The following GRAMD4 variants were observed in gnomAD, a reference collection of about 807,000 sequenced individuals.
The protein encoded by GRAMD4 is GRAM domain containing 4.
In GRAMD4, 25 loss-of-function variants were observed where a neutral mutation model predicts 83.9. The observed-to-expected ratio is 0.30, with a 90% confidence interval of 0.22 to 0.42. The LOEUF is 0.42. GRAMD4 is among the 10% of genes least tolerant of loss of function. GRAMD4 has a pLI of 1.00. For synonymous variants in GRAMD4, 336 were observed against 320.9 expected, an observed-to-expected ratio of 1.05 and a Z score of -0.50; for missense variants, 593 against 788.7, an observed-to-expected ratio of 0.75 and a Z score of 2.97.
At chr22:46,589,444 G>T (rs1168458665) in intron 1 of GRAMD4, among the ~76,000 whole-genome samples, 2 of 149,946 alleles carry the variant, frequency 1.3e-5, no homozygotes, top group African/African-American at 4.9e-5. Flanking sequence ...AGATGGCCCA[G>T]TGTGGGGCTG....
intron 3 of GRAMD4, 152 bp downstream of exon 3, chr22:46,638,112 G>A: frequency 4.9e-6 from 4 of 809,090 alleles, no homozygotes; most frequent in Admixed American, 4.5e-5. Flanking sequence ...TGGCTCCGAC[G>A]TGGCCCTTTG....
In GRAMD4 at chr22:46,590,018, C is replaced by G. The variant is rs564896409; in HGVS notation, c.-50+12728C>G. ...GCCGTGTCGCCTCCTGTAACTCCCA[C>G]GGCAGTCTTGCAGGATGGGTCCTGG... On this transcript the variant is annotated intron_variant, in intron 1 of 1. Transcript: ENST00000431155. Among the ~76,000 whole-genome samples the G allele has an allele frequency of 1.3e-3, 199 of 152,364 alleles. 2 individuals are homozygous for G. The highest frequency in any genetic ancestry group is 4.4e-3 in the African/African-American group (182 of 41,592).
At chr22:46,666,059 G>A (rs1402732057) in intron 9 of GRAMD4, among the ~76,000 whole-genome samples, 1 of 152,262 alleles carries the variant, frequency 6.6e-6, no homozygotes. Context: ...CCTGCTGGCT[G>A]CCTGTTGGAG....
chr22:46,579,223 T>C (rs2081074350), intron 1 of GRAMD4, among the ~76,000 whole-genome samples: 1 of 152,182 alleles, frequency 6.6e-6, no homozygotes, highest in Non-Finnish European at 1.5e-5. Context: ...CCAGGTGGTC[T>C]CTCTCCAAAC....
chr22:46,643,395 G>C (rs1268326443), intron 3 of GRAMD4, among the ~76,000 whole-genome samples: 1 of 152,030 alleles, frequency 6.6e-6, no homozygotes, highest in Non-Finnish European at 1.5e-5. Context: ...TGAGCTGCTT[G>C]ATGGTCAGTT....
rs926009035 is a variant in GRAMD4, at chr22:46,672,335, T to G, written c.1085-508T>G. On this transcript the variant is annotated intron_variant, in intron 13 of 18. Transcript: ENST00000406902. This position sits in a 1 kb window ranked among gnomAD's most constrained non-coding sequence, Gnocchi z 4.7. ...CGTGGCTGGGAGCCGTCTGAGCAGC[T>G]GGTCATGGGCGGCCTCTCAGCAGGG... 2.8e-5 allele frequency among the ~76,000 whole-genome samples: 4 copies of G among 144,300 alleles called. No homozygotes were observed. The highest frequency in any genetic ancestry group is 1.0e-4 in the African/African-American group (4 of 38,646). 94.7% of individuals were successfully genotyped at this position (144,300 alleles called of 152,430 possible). A position where few individuals can be genotyped will look rare whatever the true frequency, so the allele number is the denominator to read the frequency against.
At chr22:46,624,607 T>C (rs1402199356) in intron 1 of GRAMD4, among the ~76,000 whole-genome samples, 1 of 152,190 alleles carries the variant, frequency 6.6e-6, no homozygotes, top group Non-Finnish European at 1.5e-5. Flanking sequence ...ATTACAGGCG[T>C]GAACCACTGC....
At chr22:46,662,194 G>A (rs1256780602) in intron 5 of GRAMD4, among the ~76,000 whole-genome samples, 1 of 152,208 alleles carries the variant, frequency 6.6e-6, no homozygotes, top group Non-Finnish European at 1.5e-5. Flanking sequence ...AGCCGCAGGA[G>A]CCTGCCCTGG....
rs1043824054 is a variant in GRAMD4 at position 46,679,123 on chromosome 22, C to G, written c.*1872C>G. 1.0e-6 allele frequency: 1 copy of G among 985,364 alleles called. No individual in the cohort carries two copies. Among genetic ancestry groups the G allele is most frequent in the Non-Finnish European group, 1.2e-6 (1 of 829,964 alleles). 61.0% of individuals were successfully genotyped at this position (985,364 alleles called of 1,614,324 possible). ...CAGGGGCGGCTGCAGAGGCAGTGCC[C>G]GCAGACAATGGCCACACCTCTCTCC... On this transcript the variant is annotated 3_prime_UTR_variant, in exon 19 of 19. Coordinates refer to ENST00000406902, the MANE Select transcript of GRAMD4 (RefSeq NM_015124.5).
chr22:46,593,786 C>G (rs1049578019), intron 1 of GRAMD4, among the ~76,000 whole-genome samples: 1 of 151,860 alleles, frequency 6.6e-6, no homozygotes, highest in African/African-American at 2.4e-5. Flanking sequence ...TGCAGTGGCG[C>G]GATCTCAGCT....
rs2542032 is a variant in GRAMD4, at chr22:46,666,745, C to G, written c.810-80C>G. On this transcript the variant is annotated intron_variant, in intron 9 of 18. Coordinates refer to ENST00000406902, the MANE Select transcript of GRAMD4 (RefSeq NM_015124.5). Reference sequence around the variant, plus strand: ...AGGGCCCCCTCCAAGCCCAGCTGGGCGTGCAGGGCCAGCGATTCGATGCCT... The same window carrying G: ...AGGGCCCCCTCCAAGCCCAGCTGGGGGTGCAGGGCCAGCGATTCGATGCCT... 2.5e-3 allele frequency: 2,998 copies of G among 1,200,532 alleles called. 57 individuals are homozygous for G. The African/African-American group carries it at 0.04, about 16-fold the overall frequency. 74.4% of individuals were successfully genotyped at this position (1,200,532 alleles called of 1,614,324 possible).
chr22:46,668,200 T>TGCGCCAGCCATGG, intron 11 of GRAMD4, 33 bp downstream of exon 11: 1 of 1,513,746 alleles, frequency 6.6e-7, no homozygotes, highest in Non-Finnish European at 9.1e-7. Flanking sequence ...GGGGTGTGTC[T>TGCGCCAGCCATGG]GCGCCAGCCA....
chr22:46,672,920 A>T lies in GRAMD4; in HGVS notation c.1162A>T (p.Thr388Ser), dbSNP rs754822189. 1 of 1,612,020 alleles carries T rather than the reference A, an allele frequency of 6.2e-7. No individual in the cohort carries two copies. The highest frequency in any genetic ancestry group is 1.1e-5 in the South Asian group (1 of 91,072). The change falls in exon 14 of 19, where the codon ACG becomes TCG. Residue 388 changes from threonine (T) to serine (S), a missense_variant. By Grantham distance (58) the Thr-to-Ser change is moderately conservative. Coordinates refer to ENST00000406902, the MANE Select transcript of GRAMD4 (RefSeq NM_015124.5). This position sits in a 1 kb window ranked among gnomAD's most constrained non-coding sequence, Gnocchi z 4.7. ...RCPRLRAKYDTPYIIWRSLPT... is the reference protein window; with the variant it reads ...RCPRLRAKYDSPYIIWRSLPT... ...CCCGAGGCTGCGCGCCAAGTACGAC[A>T]CGCCCTATATCATCTGGAGGAGTCT...
chr22:46,680,791 TATCCATTC>T (rs2082664547), downstream of GRAMD4, among the ~76,000 whole-genome samples: 1 of 14,284 alleles, frequency 7.0e-5, no homozygotes, highest in African/African-American at 2.8e-4. Flanking sequence ...CCCACCCACC[TATCCATTC>T]ACCTACCCAT....
At chr22:46,637,788 G>C (rs2081912804) in intron 2 of GRAMD4, 52 bp from the exon 3 acceptor site, 4 of 1,606,728 alleles carry the variant, frequency 2.5e-6, no homozygotes, top group Non-Finnish European at 3.4e-6. Flanking sequence ...GAGTGGTGCA[G>C]ACCCAGGGTG....
In GRAMD4 at chr22:46,670,386, C is replaced by T. The variant is rs538195057; in HGVS notation, c.1084+1478C>T. ...GCCAGATCTGATCAGACCCTTACCC[C>T]GACAATGCCCTGGAGCCCCTCTGGC... On this transcript the variant is annotated intron_variant, in intron 13 of 18. Transcript: ENST00000406902. Among the ~76,000 whole-genome samples the T allele has an allele frequency of 3.9e-5, 6 of 152,356 alleles. No homozygotes were observed. The South Asian group carries it at 8.3e-4, about 21-fold the overall frequency.
rs1373392062 is a variant in GRAMD4, at chr22:46,659,866, C to A, written c.405-1515C>A. 6.6e-6 allele frequency among the ~76,000 whole-genome samples: 1 copy of A among 152,226 alleles called. No homozygotes were observed. Among genetic ancestry groups the A allele is most frequent in the Non-Finnish European group, 1.5e-5 (1 of 68,042 alleles). On this transcript the variant is annotated intron_variant, in intron 4 of 18. Coordinates refer to ENST00000406902, the MANE Select transcript of GRAMD4 (RefSeq NM_015124.5). This position sits in a 1 kb window ranked among gnomAD's most constrained non-coding sequence, Gnocchi z 4.1. ...TGATGCTGAACCTTCTGGGAAAATC[C>A]ACAGAAGCTCAAAGCTTAAATTACA... is the stretch of plus-strand genomic sequence containing the variant.
chr22:46,651,672 G>T (rs1440538656), intron 3 of GRAMD4, among the ~76,000 whole-genome samples: 2 of 152,218 alleles, frequency 1.3e-5, no homozygotes, highest in African/African-American at 4.8e-5. Flanking sequence ...ATTAGGATGC[G>T]CTGTGGCAGG....
intron 1 of GRAMD4, among the ~76,000 whole-genome samples, chr22:46,625,429 G>A (rs1331187759): frequency 6.6e-6 from 1 of 152,212 alleles, no homozygotes; most frequent in African/African-American, 2.4e-5. Context: ...CATGCTGCCC[G>A]CCCCAAGCAG....
Sources: allele counts gnomAD v4.1 joint callset (sites outside exome capture counted in the v4.1 genomes callset), GRCh38; gene constraint gnomAD v4.1.1; non-coding constraint Gnocchi (gnomAD v3.1); transcripts MANE v1.5; gene names NCBI Gene and HGNC (gene_info 2026-07-23, HGNC 2026-07-21).